BCL11A: variants seen among roughly 807,000 people sequenced by gnomAD.
The protein encoded by BCL11A is B cell CLL/lymphoma 11A.
Under a neutral mutation model 55.9 loss-of-function variants are expected in BCL11A, and 2 were observed. The ratio of observed to expected loss-of-function variants is 0.04; its 90% CI spans 0.01 to 0.11. BCL11A has a LOEUF of 0.11. Among genes scored for constraint, BCL11A ranks in the 10% least tolerant of loss-of-function variants. The pLI is 1.00. For missense variants in BCL11A, 817 were observed against 1,137.1 expected, an observed-to-expected ratio of 0.72 and a Z score of 4.05; for synonymous variants, 465 against 473.4, an observed-to-expected ratio of 0.98 and a Z score of 0.23.
At chr2:60,472,007 C>T (rs1345502753) in intron 2 of BCL11A, among the ~76,000 whole-genome samples, 2 of 152,194 alleles carry the variant, frequency 1.3e-5, no homozygotes, top group African/African-American at 4.8e-5. Context: ...ATTCCCTGGG[C>T]AGAGACCCAT....
At chr2:60,505,560 G>T (rs1346109320) in intron 2 of BCL11A, among the ~76,000 whole-genome samples, 1 of 152,176 alleles carries the variant, frequency 6.6e-6, no homozygotes, top group Non-Finnish European at 1.5e-5. Context: ...GTCCAACCCA[G>T]TGGGCCTCTC....
Position 60,505,022 on chromosome 2 carries a change from G to T in BCL11A, c.386-36189C>A, listed in dbSNP as rs149700637. The stretch of plus-strand genomic sequence containing the variant: ...ATCAGAATCCCTAGTCTACCCCTGC[G>T]GCTGCATGAGACCAGACCTGCCATT... On this transcript the variant is annotated intron_variant, in intron 2 of 3. Coordinates refer to ENST00000642384, the MANE Select transcript of BCL11A (RefSeq NM_022893.4). Among the ~76,000 whole-genome samples the T allele has an allele frequency of 4.6e-5, 7 of 152,216 alleles. No homozygotes were observed. The East Asian group carries it at 1.4e-3, about 29-fold the overall frequency.
Position 60,499,390 on chromosome 2 carries a change from A to T in BCL11A, c.386-30557T>A, listed in dbSNP as rs80313641. 8.5e-5 allele frequency among the ~76,000 whole-genome samples: 13 copies of T among 152,276 alleles called. No homozygotes were observed. The East Asian group carries it at 2.5e-3, about 29-fold the overall frequency. ...GAGCAATACTCCTGGGAAAGGTTGC[A>T]CATTCTGTAACTCCTCTAAGTGATA... On this transcript the variant is annotated intron_variant, in intron 2 of 3. Coordinates refer to ENST00000642384, the MANE Select transcript of BCL11A (RefSeq NM_022893.4).
intron 2 of BCL11A, chr2:60,533,799 A>C (rs1356138085): frequency 6.6e-6 from 1 of 152,192 alleles, no homozygotes; most frequent in Non-Finnish European, 1.5e-5. Flanking sequence ...TCATGCACTT[A>C]ATAATTTATT....
chr2:60,539,777 G>A (rs1669836780), intron 2 of BCL11A, among the ~76,000 whole-genome samples: 2 of 152,182 alleles, frequency 1.3e-5, no homozygotes, highest in Non-Finnish European at 2.9e-5. Flanking sequence ...GACAGAAAAT[G>A]ACTCCAGTAG....
chr2:60,468,863 C>T (rs1677042088), intron 2 of BCL11A, 30 bp from the exon 3 acceptor site: 3 of 1,384,032 alleles, frequency 2.2e-6, no homozygotes, highest in East Asian at 2.3e-5. Flanking sequence ...TCAAGCACTA[C>T]AGCTACAAAC....
chr2:60,534,089 T>C (rs1669570971), intron 2 of BCL11A: 1 of 152,130 alleles, frequency 6.6e-6, no homozygotes, highest in Admixed American at 6.5e-5. Flanking sequence ...ACAGCACAGG[T>C]TATTCAACAG....
At chr2:60,506,690 C>T (rs1296251787) in intron 2 of BCL11A, among the ~76,000 whole-genome samples, 1 of 152,248 alleles carries the variant, frequency 6.6e-6, no homozygotes, top group Non-Finnish European at 1.5e-5. Flanking sequence ...GCAGCATTTA[C>T]CACTGATGAC....
At chr2:60,543,433 T>A (rs1670012903) in intron 2 of BCL11A, 1 of 152,228 alleles carries the variant, frequency 6.6e-6, no homozygotes. Context: ...ATTGTTTCCT[T>A]CCTCATCATA....
At chr2:60,526,074 C>T (rs1056756960) in intron 2 of BCL11A, 1 of 152,122 alleles carries the variant, frequency 6.6e-6, no homozygotes, top group Admixed American at 6.5e-5. Flanking sequence ...TTTCTAACCA[C>T]AGTAGGTTTT....
At chr2:60,514,694 G>A (rs1668651614) in intron 2 of BCL11A, among the ~76,000 whole-genome samples, 1 of 151,220 alleles carries the variant, frequency 6.6e-6, no homozygotes, top group South Asian at 2.1e-4. Flanking sequence ...TAAATTGGGT[G>A]GGGGAGTTTC....
chr2:60,460,602 A>G lies in BCL11A; in HGVS notation c.2310T>C (p.Tyr770=). 6.2e-7 allele frequency: 1 copy of G among 1,614,130 alleles called. No individual in the cohort carries two copies. The highest frequency in any genetic ancestry group is 8.5e-7 in the Non-Finnish European group (1 of 1,180,032). The change falls in exon 4 of 4, where the codon TAT becomes TAC. Residue 770 remains tyrosine (Y), a synonymous_variant. Transcript: ENST00000642384. ...HRRSHTGERP[Y]KCELCNYACA... is the part of the protein sequence containing the mutation. Reference sequence around the variant, plus strand: ...AGGCATAGTTGCACAGCTCGCATTTATAAGGCCTTTCGCCCGTGTGGCTTC... The same window carrying G: ...AGGCATAGTTGCACAGCTCGCATTTGTAAGGCCTTTCGCCCGTGTGGCTTC...
chr2:60,467,147 A>ATGGTGGTGGTGGTGGTGG (rs200378268), intron 3 of BCL11A, among the ~76,000 whole-genome samples: 145 of 45,076 alleles, frequency 3.2e-3, no homozygotes, highest in African/African-American at 9.9e-3. Context: ...GTTGGTGGTG[A>ATGGTGGTGGTGGTGGTGG]TGGTGGTGGT....
intron 1 of BCL11A, among the ~76,000 whole-genome samples, chr2:60,552,091 G>C (rs780769937): frequency 6.6e-6 from 1 of 151,838 alleles, no homozygotes; most frequent in Non-Finnish European, 1.5e-5. Flanking sequence ...TGGGGGAAGA[G>C]GGTGATTGTA....
chr2:60,517,795 G>C (rs900402958), intron 2 of BCL11A, among the ~76,000 whole-genome samples: 3 of 152,220 alleles, frequency 2.0e-5, no homozygotes, highest in Non-Finnish European at 4.4e-5. Flanking sequence ...CAGGGTTAAT[G>C]ATATGACTTC....
At chr2:60,493,144 G>T (rs938545591) in intron 2 of BCL11A, among the ~76,000 whole-genome samples, 2 of 151,714 alleles carry the variant, frequency 1.3e-5, no homozygotes, top group Admixed American at 6.6e-5. Flanking sequence ...ATTCATCCAT[G>T]GTGTGGAGTG....
chr2:60,461,853 G>A lies in BCL11A; in HGVS notation c.1059C>T (p.Pro353=). Residue 353 remains proline, a synonymous_variant, in exon 4 of 4, where the codon CCC becomes CCT. Transcript: ENST00000642384. ...GAGGGAGGGGGGGCGTCGCCAGGAA[G>A]GGCGGCTTGCTACCTGGCTGGAATG... ...LQPFQPGSKP[P]FLATPPLPPL... 1 of 1,613,896 alleles carries A rather than the reference G, an allele frequency of 6.2e-7. No homozygotes were observed. The highest frequency in any genetic ancestry group is 8.5e-7 in the Non-Finnish European group (1 of 1,179,846).
intron 2 of BCL11A, chr2:60,527,914 G>A (rs371600761): frequency 6.6e-6 from 1 of 152,360 alleles, no homozygotes; most frequent in African/African-American, 2.4e-5. Flanking sequence ...AATAGCGTCA[G>A]GGCAGCCTGT....
chr2:60,488,802 C>T (rs551074963), intron 2 of BCL11A, among the ~76,000 whole-genome samples: 2 of 152,216 alleles, frequency 1.3e-5, no homozygotes, highest in South Asian at 4.1e-4. Context: ...TCTTGTTGCC[C>T]GGGCTGGAGT....
Sources: allele counts gnomAD v4.1 joint callset (sites outside exome capture counted in the v4.1 genomes callset), GRCh38; gene constraint gnomAD v4.1.1; transcripts MANE v1.5; gene names NCBI Gene and HGNC (gene_info 2026-07-23, HGNC 2026-07-21).